Variants in UGT2B4 observed in about 807,000 individuals in gnomAD.
The protein encoded by UGT2B4 is UDP glucuronosyltransferase family 2 member B4, also known as UDP-glucuronosyltransferase 2B4.
UGT2B4 carries 49 observed loss-of-function variants against 49.8 expected under a neutral mutation model. The ratio of observed to expected loss-of-function variants is 0.98; its 90% CI spans 0.78 to 1.25. UGT2B4 has a LOEUF of 1.25. Among genes scored for constraint, UGT2B4 ranks in the 50% most tolerant of loss-of-function variants. UGT2B4 has a pLI of 0.00. For missense variants in UGT2B4, 729 were observed against 627.7 expected, an observed-to-expected ratio of 1.16 and a Z score of -1.73; for synonymous variants, 246 against 217.7, an observed-to-expected ratio of 1.13 and a Z score of -1.14.
chr4:69,518,646 A>T (rs1728785084), intron 1 of UGT2B4, among the ~76,000 whole-genome samples: 1 of 152,174 alleles, frequency 6.6e-6, no homozygotes. Flanking sequence ...ACCTAGATTG[A>T]TGTTAAGAAA....
chr4:69,498,728 T>G (rs1020193331), upstream of UGT2B4, among the ~76,000 whole-genome samples: 6 of 152,166 alleles, frequency 3.9e-5, no homozygotes, highest in Non-Finnish European at 8.8e-5. Flanking sequence ...CTTTTATCAT[T>G]TTTTATTGTG....
intron 1 of UGT2B4, among the ~76,000 whole-genome samples, chr4:69,510,531 A>T (rs551400390): frequency 6.6e-6 from 1 of 151,970 alleles, no homozygotes; most frequent in Non-Finnish European, 1.5e-5. Context: ...GCATTCATCA[A>T]TGTTTTGTAG....
At chr4:69,502,106 T>TTTCTTTCTTTC in intron 1 of UGT2B4, among the ~76,000 whole-genome samples, 1 of 114,180 alleles carries the variant, frequency 8.8e-6, no homozygotes, top group East Asian at 2.5e-4. Flanking sequence ...TCTTTCTTTC[T>TTTCTTTCTTTC]TTCTTTCTTT....
chr4:69,495,876 A>G lies in UGT2B4; in HGVS notation c.-15T>C. 1 of 1,560,168 alleles carries G rather than the reference A, an allele frequency of 6.4e-7. No individual in the cohort carries two copies. The highest frequency in any genetic ancestry group is 8.6e-7 in the Non-Finnish European group (1 of 1,156,636). Reference sequence around the variant, plus strand: ...TTCATAGACATCCTGATGCAATGCAATGCTTGTTTTCCAGTTGCTGCTCCT... The same window carrying G: ...TTCATAGACATCCTGATGCAATGCAGTGCTTGTTTTCCAGTTGCTGCTCCT... On this transcript the variant is annotated 5_prime_UTR_variant, in exon 1 of 6. Coordinates refer to ENST00000305107, the MANE Select transcript of UGT2B4 (RefSeq NM_021139.3).
chr4:69,495,393 CA>C lies in UGT2B4; in HGVS notation c.468del (p.Phe156LeufsTer46). 1.2e-6 allele frequency: 2 copies of C among 1,613,944 alleles called. No homozygotes were observed. Among genetic ancestry groups the C allele is most frequent in the Non-Finnish European group, 1.7e-6 (2 of 1,179,970 alleles). The stretch of plus-strand genomic sequence containing the variant: ...TTAAGTAACTCGGCCAGCAGCTCAC[CA>C]AAGGGGAAAACAGCATCTGCAAGAA... Reference protein sequence around the residue: ...DVVLADAVFPFGELLAELLKI... With the variant: ...DVVLADAVFPXGELLAELLKI... On this transcript the variant is annotated frameshift_variant, in exon 1 of 6. Transcript: ENST00000305107. LOFTEE classifies it high-confidence loss of function.
intron 3 of UGT2B4, among the ~76,000 whole-genome samples, chr4:69,488,338 C>T (rs1727855621): frequency 1.3e-5 from 2 of 151,942 alleles, no homozygotes; most frequent in African/African-American, 4.8e-5. Flanking sequence ...GTATGTTTTG[C>T]TATAGCTGAG....
upstream of UGT2B4, among the ~76,000 whole-genome samples, chr4:69,496,232 C>T (rs1011752142): frequency 3.3e-5 from 5 of 151,148 alleles, no homozygotes; most frequent in East Asian, 2.0e-4. Context: ...TCACTGTATT[C>T]GGCAGGATGG....
At chr4:69,486,286 C>G (rs545476750) in intron 4 of UGT2B4, among the ~76,000 whole-genome samples, 73 of 152,088 alleles carry the variant, frequency 4.8e-4, no homozygotes, top group Middle Eastern at 6.8e-3. Context: ...TGAAATAACC[C>G]TACAGAGGAG....
chr4:69,494,807 A>G (rs377082697), intron 1 of UGT2B4, among the ~76,000 whole-genome samples: 1 of 152,224 alleles, frequency 6.6e-6, no homozygotes, highest in South Asian at 2.1e-4. Flanking sequence ...TGCATTCAGC[A>G]AGATGTTTCT....
Position 69,480,901 on chromosome 4 carries a change from C to A in UGT2B4, c.1320G>T (p.Glu440Asp), listed in dbSNP as rs1482648502. The A allele has an allele frequency of 3.1e-6, 5 of 1,613,288 alleles. No individual in the cohort carries two copies. Among genetic ancestry groups the A allele is most frequent in the Non-Finnish European group, 3.4e-6 (4 of 1,179,550 alleles). Residue 440 changes from glutamate (E) to aspartate (D), a missense_variant, in exon 6 of 6, where the codon GAG (glutamate) becomes GAT (aspartate). Glu to Asp is a conservative substitution (Grantham distance 45). Transcript: ENST00000305107. ...GAATTCTTGATAATTTCATAGCATT[C>A]TCTTTATATCTAAACGATAAGCAGA... ...KTVINDPLYK[E>D]NAMKLSRIHH...
chr4:69,505,070 C>T (rs954801424), intron 1 of UGT2B4, among the ~76,000 whole-genome samples: 2 of 152,068 alleles, frequency 1.3e-5, no homozygotes, highest in Non-Finnish European at 2.9e-5. Flanking sequence ...TAAGGAAGCA[C>T]TAAATGTAGA....
At chr4:69,495,917 T>C (rs1728149931), upstream of UGT2B4, 3 of 1,534,914 alleles carry the variant, frequency 2.0e-6, no homozygotes, top group African/African-American at 1.4e-5. Context: ...TCATTTCTCA[T>C]GGTGACATCC....
At chr4:69,511,321 A>C (rs184674241) in intron 1 of UGT2B4, among the ~76,000 whole-genome samples, 24 of 151,884 alleles carry the variant, frequency 1.6e-4, no homozygotes, top group African/African-American at 5.6e-4. Context: ...ATTTCCTTCT[A>C]TTTCTATTTT....
intron 1 of UGT2B4, among the ~76,000 whole-genome samples, chr4:69,508,715 C>A (rs1049508153): frequency 6.6e-6 from 1 of 151,932 alleles, no homozygotes; most frequent in Admixed American, 6.6e-5. Flanking sequence ...GGCTGAAGAG[C>A]GGGAGGAGGG....
intron 2 of UGT2B4, among the ~76,000 whole-genome samples, chr4:69,491,183 C>T (rs1004064746): frequency 6.9e-6 from 1 of 144,988 alleles, no homozygotes; most frequent in African/African-American, 2.5e-5. Flanking sequence ...ATACCTTTTC[C>T]TCCTACAAAA....
chr4:69,493,648 C>T (rs754652659), intron 2 of UGT2B4, 45 bp downstream of exon 2: 13 of 1,575,246 alleles, frequency 8.3e-6, no homozygotes, highest in African/African-American at 4.1e-5. Flanking sequence ...TAGAACCATT[C>T]GTACTGAAAC....
intron 1 of UGT2B4, among the ~76,000 whole-genome samples, chr4:69,494,724 T>C (rs957100150): frequency 6.6e-6 from 1 of 152,076 alleles, no homozygotes; most frequent in Non-Finnish European, 1.5e-5. Flanking sequence ...GACTGAAATA[T>C]ACAAGAAAAA....
chr4:69,516,335 T>G (rs1482376895), intron 1 of UGT2B4, among the ~76,000 whole-genome samples: 1 of 152,236 alleles, frequency 6.6e-6, no homozygotes, highest in Non-Finnish European at 1.5e-5. Flanking sequence ...TGCATTCCTT[T>G]GGGTATATAC....
chr4:69,492,968 T>C (rs1728035107), intron 2 of UGT2B4, among the ~76,000 whole-genome samples: 1 of 152,132 alleles, frequency 6.6e-6, no homozygotes, highest in South Asian at 2.1e-4. Context: ...CATATTTTCT[T>C]TTCTTAACTC....
Sources: allele counts gnomAD v4.1 joint callset (sites outside exome capture counted in the v4.1 genomes callset), GRCh38; gene constraint gnomAD v4.1.1; transcripts MANE v1.5; gene names NCBI Gene and HGNC (gene_info 2026-07-23, HGNC 2026-07-21).